Variants in SORCS1 observed in about 807,000 individuals in gnomAD.
The protein encoded by SORCS1 is sortilin related VPS10 domain containing receptor 1.
SORCS1 carries 60 observed loss-of-function variants against 146.1 expected under a neutral mutation model. The observed-to-expected ratio is 0.41, with a 90% CI of 0.33 to 0.51. The LOEUF (loss-of-function observed/expected upper bound fraction) is 0.51. SORCS1 is among the 20% of genes least tolerant of loss of function. SORCS1 has a pLI of 0.21. For missense variants in SORCS1, 1,352 were observed against 1,487.6 expected (o/e 0.91, Z 1.50); for synonymous variants, 637 against 584.0 (o/e 1.09, Z -1.31).
chr10:106,990,007 G>A (rs1417360648), intron 1 of SORCS1, among the ~76,000 whole-genome samples: 2 of 151,942 alleles, frequency 1.3e-5, no homozygotes, highest in Non-Finnish European at 2.9e-5. Context: ...TCTTAATTCA[G>A]CCTGATTCAT....
intron 1 of SORCS1, among the ~76,000 whole-genome samples, chr10:106,977,195 C>T (rs1956065078): frequency 6.6e-6 from 1 of 152,194 alleles, no homozygotes; most frequent in African/African-American, 2.4e-5. Context: ...GCCTTGCTAG[C>T]ATCTATTGTC....
rs1367888043 is a variant in SORCS1, at chr10:107,109,779, A to AAAC, written c.558+54187_558+54189dup. Among the ~76,000 whole-genome samples, 4 of 152,316 alleles carry AAAC rather than the reference A, an allele frequency of 2.6e-5. No homozygotes were observed. In the East Asian group the frequency reaches 7.7e-4, roughly 29 times the overall value. ...CACGTGGCTAGGCTGCAGATTTTCT[A>AAAC]AACTTTTACATTCTGTTTCCTGCTT... On this transcript the variant is annotated intron_variant, in intron 1 of 25. Coordinates refer to ENST00000263054, the MANE Select transcript of SORCS1 (RefSeq NM_052918.5).
At chr10:107,026,584 C>G (rs992438326) in intron 1 of SORCS1, among the ~76,000 whole-genome samples, 2 of 151,260 alleles carry the variant, frequency 1.3e-5, no homozygotes, top group Non-Finnish European at 2.9e-5. Flanking sequence ...CGCCACCACA[C>G]TCCAGCCTGG....
At chr10:106,952,435 C>G (rs1050101907) in intron 2 of SORCS1, among the ~76,000 whole-genome samples, 3 of 151,916 alleles carry the variant, frequency 2.0e-5, no homozygotes, top group African/African-American at 7.3e-5. Context: ...CCAGGCCTGT[C>G]CCACTCCTCC....
intron 2 of SORCS1, among the ~76,000 whole-genome samples, chr10:106,849,992 T>A (rs1949483314): frequency 1.3e-5 from 2 of 152,190 alleles, no homozygotes; most frequent in South Asian, 4.1e-4. Context: ...TCTTCAAAGC[T>A]GTCAGACAGA....
chr10:106,745,754 C>T (rs1857686881), intron 5 of SORCS1, among the ~76,000 whole-genome samples: 1 of 152,140 alleles, frequency 6.6e-6, no homozygotes, highest in Non-Finnish European at 1.5e-5. Context: ...ATGGAGAAAT[C>T]TGGGAGCTTC....
At chr10:106,946,483 G>T (rs1018957354) in intron 2 of SORCS1, among the ~76,000 whole-genome samples, 2 of 152,190 alleles carry the variant, frequency 1.3e-5, no homozygotes, top group Admixed American at 6.5e-5. Flanking sequence ...GAGATCTGAT[G>T]GTTTTATAAA....
chr10:107,079,487 A>G (rs529530834), intron 1 of SORCS1, among the ~76,000 whole-genome samples: 1 of 152,326 alleles, frequency 6.6e-6, no homozygotes, highest in East Asian at 1.9e-4. Context: ...TGAAGAAGAC[A>G]GGAAAGAAGT....
At chr10:106,618,399 C>T (rs904501010) in intron 20 of SORCS1, 127 bp from the exon 21 acceptor site, 270 of 1,153,114 alleles carry the variant, frequency 2.3e-4, no homozygotes, top group Non-Finnish European at 3.0e-4. Flanking sequence ...CACAATGGCA[C>T]TGAGTCCCTC....
chr10:106,793,863 C>G (rs11193054), intron 3 of SORCS1, among the ~76,000 whole-genome samples: 45,472 of 152,036 alleles, frequency 0.3, 6,961 homozygotes, highest in African/African-American at 0.32. Context: ...AACAGGAAGA[C>G]AGAATAAACA....
chr10:106,995,898 G>T (rs889232846), intron 1 of SORCS1, among the ~76,000 whole-genome samples: 35 of 152,178 alleles, frequency 2.3e-4, no homozygotes, highest in African/African-American at 8.2e-4. Context: ...AGTCAAAGGA[G>T]AAGTTCAAAA....
intron 6 of SORCS1, among the ~76,000 whole-genome samples, chr10:106,721,588 T>G (rs947504287): frequency 6.6e-6 from 1 of 152,236 alleles, no homozygotes; most frequent in Non-Finnish European, 1.5e-5. Flanking sequence ...GAAAAGTCTT[T>G]GATAATGTCC....
intron 1 of SORCS1, among the ~76,000 whole-genome samples, chr10:107,163,102 T>C (rs1167535575): frequency 6.6e-6 from 1 of 152,234 alleles, no homozygotes; most frequent in East Asian, 1.9e-4. Context: ...CCTTTCCTGA[T>C]AGGACCAAAG....
chr10:106,806,907 C>G (rs1477556183), intron 3 of SORCS1, among the ~76,000 whole-genome samples: 1 of 152,098 alleles, frequency 6.6e-6, no homozygotes, highest in African/African-American at 2.4e-5. Context: ...TCCCGCCTTA[C>G]TCACATACTA....
chr10:106,601,914 C>A (rs1049435586), intron 23 of SORCS1, among the ~76,000 whole-genome samples: 4 of 152,188 alleles, frequency 2.6e-5, no homozygotes, highest in Non-Finnish European at 5.9e-5. Flanking sequence ...ATGGTACAGT[C>A]CTATCATGTA....
At chr10:106,933,537 T>G (rs1953528510) in intron 2 of SORCS1, among the ~76,000 whole-genome samples, 1 of 152,220 alleles carries the variant, frequency 6.6e-6, no homozygotes, top group Non-Finnish European at 1.5e-5. Context: ...ATGTGGTAAC[T>G]CTGGTGCTAC....
At chr10:106,865,066 T>C (rs1293152710) in intron 2 of SORCS1, among the ~76,000 whole-genome samples, 1 of 151,206 alleles carries the variant, frequency 6.6e-6, no homozygotes, top group African/African-American at 2.4e-5. Flanking sequence ...CCTTTGGGCT[T>C]TGGAGAGACA....
chr10:107,088,910 C>G (rs1963966048), intron 1 of SORCS1, among the ~76,000 whole-genome samples: 1 of 152,186 alleles, frequency 6.6e-6, no homozygotes, highest in African/African-American at 2.4e-5. Flanking sequence ...GCCTCCTCTA[C>G]TTAAGCTAAT....
intron 2 of SORCS1, among the ~76,000 whole-genome samples, chr10:106,935,382 T>C (rs1327661523): frequency 1.3e-5 from 2 of 152,326 alleles, no homozygotes; most frequent in East Asian, 3.9e-4. Flanking sequence ...ATATTTACCA[T>C]TTTAAGTCCT....
Sources: gnomAD v4.1 joint callset for allele counts (sites outside exome capture counted in the v4.1 genomes callset) on GRCh38, gnomAD v4.1.1 for gene constraint, MANE v1.5 for transcripts, NCBI Gene and HGNC (gene_info 2026-07-23, HGNC 2026-07-21) for gene names.